EPHA6: variants seen among roughly 807,000 people sequenced by gnomAD.
EPHA6 encodes the protein EPH receptor A6.
Under a neutral mutation model 112.0 loss-of-function variants are expected in EPHA6, and 50 were observed. That is an observed-to-expected ratio of 0.45 (90% confidence interval 0.36 to 0.56). The LOEUF (loss-of-function observed/expected upper bound fraction) is 0.56. EPHA6 is among the 20% of genes least tolerant of loss of function. EPHA6 has a pLI of 0.00. For missense variants in EPHA6, 1,280 were observed against 1,417.4 expected, an observed-to-expected ratio of 0.90 and a Z score of 1.56; for synonymous variants, 529 against 490.7, an observed-to-expected ratio of 1.08 and a Z score of -1.03.
chr3:97,317,941 A>T (rs1268051061), intron 5 of EPHA6, among the ~76,000 whole-genome samples: 1 of 151,986 alleles, frequency 6.6e-6, no homozygotes, highest in Non-Finnish European at 1.5e-5. Flanking sequence ...TTGCTTTGCC[A>T]GTGGGGAGAC....
intron 3 of EPHA6, among the ~76,000 whole-genome samples, chr3:97,045,560 G>GTA (rs1309539315): frequency 6.6e-6 from 1 of 151,584 alleles, no homozygotes; most frequent in Non-Finnish European, 1.5e-5. Context: ...CCTTTTCTAA[G>GTA]TAAAAAGAAA....
intron 5 of EPHA6, among the ~76,000 whole-genome samples, chr3:97,404,546 G>T (rs901897441): frequency 4.0e-5 from 6 of 151,894 alleles, no homozygotes; most frequent in African/African-American, 1.4e-4. Flanking sequence ...TTTTAATTTA[G>T]AATTATAATA....
Position 97,646,132 on chromosome 3 carries a change from A to G in EPHA6, c.2784+8050A>G, listed in dbSNP as rs2094059777. 2.0e-6 allele frequency: 3 copies of G among 1,526,730 alleles called. No individual in the cohort carries two copies. In the East Asian group the frequency reaches 7.4e-5, roughly 37 times the overall value. The allele number at this position is 1,526,730 out of a possible 1,614,324, so 94.6% of individuals were successfully genotyped here. ...TTGCCAATTCAGAGACCCACAAATC[A>G]CAACAAAGAGCAATCAGAACTGGTT... is the stretch of plus-strand genomic sequence containing the variant. On this transcript the variant is annotated intron_variant, in intron 14 of 17. Coordinates refer to ENST00000389672, the MANE Select transcript of EPHA6 (RefSeq NM_001080448.3).
intron 3 of EPHA6, among the ~76,000 whole-genome samples, chr3:97,032,124 A>C (rs2044877603): frequency 6.6e-6 from 1 of 152,196 alleles, no homozygotes; most frequent in Non-Finnish European, 1.5e-5. Flanking sequence ...GCCATAAAAA[A>C]GGATGAGTTC....
chr3:97,739,021 G>A (rs2035390424), intron 16 of EPHA6, among the ~76,000 whole-genome samples: 1 of 151,952 alleles, frequency 6.6e-6, no homozygotes, highest in African/African-American at 2.4e-5. Context: ...AGACTGTTTA[G>A]GGAGAAGAGA....
rs2093468525 is a variant in EPHA6, at chr3:97,584,334, T to C, written c.2387-8278T>C. ...CAGCCTAGTGAGAAAGACGAATGTA[T>C]AAGCTAAAAGTCACCAGCTGGCAGC... On this transcript the variant is annotated intron_variant, in intron 11 of 17. Transcript: ENST00000389672. 2.6e-5 allele frequency among the ~76,000 whole-genome samples: 4 copies of C among 152,312 alleles called. No individual in the cohort carries two copies. The South Asian group carries it at 8.3e-4, about 32-fold the overall frequency.
chr3:97,650,755 G>T (rs2094102405), intron 14 of EPHA6, among the ~76,000 whole-genome samples: 1 of 151,158 alleles, frequency 6.6e-6, no homozygotes, highest in South Asian at 2.1e-4. Context: ...TCTTTAAGAG[G>T]CTGAGGCAGG....
At chr3:96,943,209 A>T (rs971218454) in intron 2 of EPHA6, among the ~76,000 whole-genome samples, 6 of 151,794 alleles carry the variant, frequency 4.0e-5, no homozygotes, top group South Asian at 2.1e-4. Flanking sequence ...GTATATATAT[A>T]TTTTTTTCTT....
intron 14 of EPHA6, among the ~76,000 whole-genome samples, chr3:97,645,538 A>T (rs1298786950): frequency 2.5e-5 from 3 of 121,142 alleles, no homozygotes; most frequent in Non-Finnish European, 5.1e-5. Flanking sequence ...GGGGGGAGGG[A>T]TAGCATTGGG....
At chr3:97,486,483 C>G (rs549303493) in intron 10 of EPHA6, among the ~76,000 whole-genome samples, 1 of 152,150 alleles carries the variant, frequency 6.6e-6, no homozygotes, top group Admixed American at 6.5e-5. Flanking sequence ...TTTTTAGGCT[C>G]AAGGTCCTGG....
chr3:97,531,526 C>G (rs2092695075), intron 10 of EPHA6, among the ~76,000 whole-genome samples: 1 of 151,978 alleles, frequency 6.6e-6, no homozygotes, highest in African/African-American at 2.4e-5. Context: ...TAAGTTTCAT[C>G]CCCTCCAGGA....
intron 5 of EPHA6, among the ~76,000 whole-genome samples, chr3:97,253,098 C>T (rs544219654): frequency 3.3e-5 from 5 of 151,844 alleles, no homozygotes; most frequent in South Asian, 2.1e-4. Context: ...AGTTTGTCTA[C>T]GTGAAAAAAA....
intron 9 of EPHA6, among the ~76,000 whole-genome samples, chr3:97,481,775 G>T (rs1207741170): frequency 6.6e-6 from 1 of 152,150 alleles, no homozygotes; most frequent in Admixed American, 6.5e-5. Flanking sequence ...CTGATATCTG[G>T]CATGGGATAA....
intron 5 of EPHA6, among the ~76,000 whole-genome samples, chr3:97,364,533 T>C (rs1416275640): frequency 6.6e-6 from 1 of 152,014 alleles, no homozygotes; most frequent in African/African-American, 2.4e-5. Context: ...GAAAAAAATC[T>C]AATCTTCATG....
chr3:96,918,418 G>GTTAATATACAACTGTACTGT (rs1392324031), intron 2 of EPHA6, among the ~76,000 whole-genome samples: 48 of 152,190 alleles, frequency 3.2e-4, no homozygotes, highest in South Asian at 6.2e-4. Flanking sequence ...TACTGTTAGT[G>GTTAATATACAACTGTACTGT]ACAGTTAATA....
Position 97,532,590 on chromosome 3 carries a change from G to GT in EPHA6, c.2386+56dup, listed in dbSNP as rs200034558. On this transcript the variant is annotated intron_variant, in intron 11 of 17. Transcript: ENST00000389672. ...TTACTTCTTTCACACACCTATCTCA[G>GT]TTTTTTTTTAAGAAAAGGAAAAATC... is the stretch of plus-strand genomic sequence containing the variant. 2,841 of 1,453,798 alleles carry GT rather than the reference G, an allele frequency of 2.0e-3. 1 individual carries two copies. Among genetic ancestry groups the GT allele is most frequent in the Middle Eastern group, 3.1e-3 (17 of 5,506 alleles). 90.1% of individuals were successfully genotyped at this position (1,453,798 alleles called of 1,614,324 possible). A position where few individuals can be genotyped will look rare whatever the true frequency, so the allele number is the denominator to read the frequency against.
chr3:97,716,287 G>C (rs2034218558), intron 14 of EPHA6, among the ~76,000 whole-genome samples: 1 of 125,460 alleles, frequency 8.0e-6, no homozygotes, highest in East Asian at 2.0e-4. Context: ...AGAAAAGATG[G>C]GCCGGGCGCG....
intron 2 of EPHA6, among the ~76,000 whole-genome samples, chr3:96,985,948 A>G (rs1461872712): frequency 6.6e-6 from 1 of 152,192 alleles, no homozygotes; most frequent in African/African-American, 2.4e-5. Flanking sequence ...CTTATTATAA[A>G]TAACTGAAGT....
chr3:97,640,004 T>C (rs1419770829), intron 14 of EPHA6, among the ~76,000 whole-genome samples: 1 of 152,162 alleles, frequency 6.6e-6, no homozygotes, highest in East Asian at 1.9e-4. Flanking sequence ...ACTGACTTTA[T>C]AATGAACATG....
Sources: allele counts gnomAD v4.1 joint callset (sites outside exome capture counted in the v4.1 genomes callset), GRCh38; gene constraint gnomAD v4.1.1; transcripts MANE v1.5; gene names NCBI Gene and HGNC (gene_info 2026-07-23, HGNC 2026-07-21).